The following NDUFS4 variants were observed in gnomAD, a reference collection of about 807,000 sequenced individuals.
NDUFS4 encodes the protein NADH dehydrogenase [ubiquinone] iron-sulfur protein 4, mitochondrial.
NDUFS4 carries 28 observed loss-of-function variants against 24.3 expected under a neutral mutation model. That is an observed-to-expected ratio of 1.15 (90% confidence interval 0.85 to 1.58). The LOEUF (loss-of-function observed/expected upper bound fraction) is 1.58. NDUFS4 is among the 40% of genes most tolerant of loss of function. The pLI is 0.00. For missense variants in NDUFS4, 223 were observed against 207.9 expected (o/e 1.07, Z -0.45); for synonymous variants, 93 against 69.7 (o/e 1.34, Z -1.67).
At chr5:53,567,143 C>T (rs1054168165) in intron 1 of NDUFS4, among the ~76,000 whole-genome samples, 3 of 152,094 alleles carry the variant, frequency 2.0e-5, no homozygotes, top group Admixed American at 6.5e-5. Context: ...GCCACTGAGC[C>T]CAGCACCCCT....
In NDUFS4 at chr5:53,683,227, C is replaced by CACTG. The variant is rs767558155; in HGVS notation, c.*10_*13dup. On this transcript the variant is annotated 3_prime_UTR_variant, in exon 5 of 5. Transcript: ENST00000296684. ...CAAGAGTATCCACAAAATAGGTTGG[C>CACTG]ACTGACTATATCTCTGCTTGACTGT... 8.3e-6 allele frequency: 13 copies of CACTG among 1,567,966 alleles called. No homozygotes were observed. Among genetic ancestry groups the CACTG allele is most frequent in the Non-Finnish European group, 1.1e-5 (13 of 1,138,646 alleles).
At chr5:53,677,722 C>T (rs1740525312) in intron 4 of NDUFS4, among the ~76,000 whole-genome samples, 1 of 152,164 alleles carries the variant, frequency 6.6e-6, no homozygotes, top group South Asian at 2.1e-4. Context: ...TTGCTTTGGC[C>T]TCCCAAAGCT....
At chr5:53,609,744 C>G (rs1006094047) in intron 2 of NDUFS4, among the ~76,000 whole-genome samples, 1 of 152,158 alleles carries the variant, frequency 6.6e-6, no homozygotes, top group Non-Finnish European at 1.5e-5. Flanking sequence ...TCTTCTGGAT[C>G]ACTTGCTGTG....
intron 2 of NDUFS4, among the ~76,000 whole-genome samples, chr5:53,612,374 TA>T (rs764813224): frequency 1.3e-5 from 2 of 152,028 alleles, no homozygotes; most frequent in Non-Finnish European, 2.9e-5. Context: ...TCAATTTAAA[TA>T]TATGTGAAAA....
intron 2 of NDUFS4, among the ~76,000 whole-genome samples, chr5:53,624,024 C>T (rs1343105208): frequency 1.3e-5 from 2 of 152,080 alleles, no homozygotes; most frequent in Non-Finnish European, 2.9e-5. Flanking sequence ...GCCCTTTGAT[C>T]CATTTTTAGT....
At chr5:53,604,320 C>G (rs1750430168) in intron 2 of NDUFS4, among the ~76,000 whole-genome samples, 1 of 152,152 alleles carries the variant, frequency 6.6e-6, no homozygotes, top group Non-Finnish European at 1.5e-5. Context: ...CCTGTAAGCC[C>G]AATCTAAGTA....
intron 2 of NDUFS4, among the ~76,000 whole-genome samples, chr5:53,616,779 A>G (rs1750852553): frequency 6.6e-6 from 1 of 152,176 alleles, no homozygotes; most frequent in African/African-American, 2.4e-5. Flanking sequence ...GATCCGATTT[A>G]CTTGTAAAAG....
chr5:53,648,503 T>C (rs1285364747), intron 3 of NDUFS4, among the ~76,000 whole-genome samples: 1 of 152,224 alleles, frequency 6.6e-6, no homozygotes, highest in Non-Finnish European at 1.5e-5. Context: ...CCATTAACTC[T>C]AGCTTCAAAG....
chr5:53,637,659 CA>C (rs1751596766), intron 2 of NDUFS4, among the ~76,000 whole-genome samples: 1 of 151,968 alleles, frequency 6.6e-6, no homozygotes, highest in South Asian at 2.1e-4. Flanking sequence ...GAAAACAAAA[CA>C]TTAAAGACCC....
intron 1 of NDUFS4, among the ~76,000 whole-genome samples, chr5:53,567,000 C>T (rs1302275815): frequency 6.6e-6 from 1 of 151,978 alleles, no homozygotes; most frequent in Non-Finnish European, 1.5e-5. Context: ...AGGCGCGCAC[C>T]ACCACGCCTG....
Position 53,641,285 on chromosome 5 carries a change from C to T in NDUFS4, c.178-4948C>T, listed in dbSNP as rs376457567. On this transcript the variant is annotated intron_variant, in intron 2 of 4. Transcript: ENST00000296684. ...CTCAGCCCTTTGCTTTTAGCCAAGG[C>T]TTTCCTGCTCAGAAGGATCTAGGAG... 8.5e-5 allele frequency among the ~76,000 whole-genome samples: 13 copies of T among 152,226 alleles called. No homozygotes were observed. The East Asian group carries it at 1.7e-3, about 20-fold the overall frequency.
chr5:53,621,942 T>G (rs948137548), intron 2 of NDUFS4, among the ~76,000 whole-genome samples: 1 of 151,898 alleles, frequency 6.6e-6, no homozygotes, highest in Non-Finnish European at 1.5e-5. Context: ...CCTCATGATC[T>G]GCCCGTCTCG....
chr5:53,567,514 A>G (rs911061626), intron 1 of NDUFS4, among the ~76,000 whole-genome samples: 4 of 152,068 alleles, frequency 2.6e-5, no homozygotes, highest in African/African-American at 9.7e-5. Flanking sequence ...GTGACTTATT[A>G]TACTTTTTTA....
intron 1 of NDUFS4, among the ~76,000 whole-genome samples, chr5:53,590,415 G>A (rs1382587807): frequency 6.6e-6 from 1 of 152,184 alleles, no homozygotes; most frequent in African/African-American, 2.4e-5. Context: ...AAAATCAAGA[G>A]GTTAATAATT....
At chr5:53,653,586 TATATAAC>T (rs1752081316) in intron 3 of NDUFS4, among the ~76,000 whole-genome samples, 1 of 152,124 alleles carries the variant, frequency 6.6e-6, no homozygotes, top group East Asian at 1.9e-4. Flanking sequence ...CATGTTTCCA[TATATAAC>T]ATATAAGCGA....
intron 1 of NDUFS4, among the ~76,000 whole-genome samples, chr5:53,577,669 T>C (rs574580724): frequency 6.6e-6 from 1 of 152,302 alleles, no homozygotes; most frequent in South Asian, 2.1e-4. Context: ...TTCACCCGTA[T>C]TGGAATTTGT....
At chr5:53,665,733 C>T (rs1043110379) in intron 4 of NDUFS4, among the ~76,000 whole-genome samples, 62 of 152,326 alleles carry the variant, frequency 4.1e-4, no homozygotes, top group African/African-American at 1.3e-3. Context: ...TCACCCCTTT[C>T]TTTGACTAGG....
chr5:53,653,292 C>T (rs1449096256), intron 3 of NDUFS4, among the ~76,000 whole-genome samples: 1 of 152,154 alleles, frequency 6.6e-6, no homozygotes, highest in Non-Finnish European at 1.5e-5. Context: ...TGCGAATTCT[C>T]TCATCACTTG....
Position 53,683,235 on chromosome 5 carries a change from A to G in NDUFS4, c.*14A>G, listed in dbSNP as rs781116576. Reference sequence around the variant, plus strand: ...TCCACAAAATAGGTTGGCACTGACTATATCTCTGCTTGACTGTGAATAAAG... The same window carrying G: ...TCCACAAAATAGGTTGGCACTGACTGTATCTCTGCTTGACTGTGAATAAAG... On this transcript the variant is annotated 3_prime_UTR_variant, in exon 5 of 5. Transcript: ENST00000296684. 4.1e-5 allele frequency: 63 copies of G among 1,532,644 alleles called. No homozygotes were observed. The highest frequency in any genetic ancestry group is 1.7e-4 in the Middle Eastern group (1 of 5,938). 94.9% of individuals were successfully genotyped at this position (1,532,644 alleles called of 1,614,324 possible). A position where few individuals can be genotyped will look rare whatever the true frequency, so the allele number is the denominator to read the frequency against.
Sources: allele counts gnomAD v4.1 joint callset (sites outside exome capture counted in the v4.1 genomes callset), GRCh38; gene constraint gnomAD v4.1.1; transcripts MANE v1.5; gene names NCBI Gene and HGNC (gene_info 2026-07-23, HGNC 2026-07-21).